Variants in TRPV3 observed in about 807,000 individuals in gnomAD.
The protein encoded by TRPV3 is VRL-3.
A neutral mutation model predicts 87.1 loss-of-function variants in TRPV3; 88 were observed. The ratio of observed to expected loss-of-function variants is 1.01; its 90% CI spans 0.85 to 1.21. The LOEUF is 1.21. TRPV3 is among the 50% of genes most tolerant of loss of function. The pLI, the probability that TRPV3 is intolerant of heterozygous loss-of-function variation, is 0.00. For synonymous variants in TRPV3, 438 were observed against 423.3 expected (o/e 1.03, Z -0.43); for missense variants, 1,054 against 1,030.1 (o/e 1.02, Z -0.32).
rs1156767685 is a variant in TRPV3, at chr17:3,554,827, C to T, written c.24G>A (p.Met8Ile). Residue 8 changes from methionine (M) to isoleucine (I), a missense_variant, in exon 2 of 18, where the codon ATG becomes ATA. Transcript: ENST00000576742. MKAHPKE[M>I]VPLMGKRVAA... Reference sequence around the variant, plus strand: ...CAACTCTCTTGCCCATGAGAGGCACCATCTCCTTGGGGTGGGCTTTCATGG... The same window carrying T: ...CAACTCTCTTGCCCATGAGAGGCACTATCTCCTTGGGGTGGGCTTTCATGG... 6.2e-7 allele frequency: 1 copy of T among 1,612,174 alleles called. No individual in the cohort carries two copies. The highest frequency in any genetic ancestry group is 1.3e-5 in the African/African-American group (1 of 74,904).
At chr17:3,555,526 C>T (rs2074619382) in intron 1 of TRPV3, among the ~76,000 whole-genome samples, 1 of 152,170 alleles carries the variant, frequency 6.6e-6, no homozygotes, top group African/African-American at 2.4e-5. Context: ...CATTAGATTC[C>T]CCTCTCACCT....
chr17:3,519,458 TTAGATGGATGGATGGATAGATGATTGGA>T (rs2074216604), intron 14 of TRPV3, among the ~76,000 whole-genome samples: 1 of 39,014 alleles, frequency 2.6e-5, no homozygotes, highest in African/African-American at 1.1e-4. Context: ...GGATAGATGA[TTAGATGGATGGATGGATAGATGATTGGA>T]TGGATGGATG....
chr17:3,518,627 G>A lies in TRPV3; in HGVS notation c.2034C>T (p.Gly678=), dbSNP rs201663049. 4.4e-4 allele frequency: 692 copies of A among 1,581,096 alleles called. 5 individuals carry two copies. The South Asian group carries it at 4.5e-3, about 10-fold the overall frequency. Residue 678 remains glycine, a synonymous_variant, in exon 15 of 18, where the codon GGC becomes GGT. Transcript: ENST00000576742. The surrounding 1 kb of genome is among the most constrained non-coding windows in gnomAD (Gnocchi z 4.3). ...LLLNMLIALM[G]ETVENVSKES... ...CCTTGGAGACGTTCTCCACAGTCTC[G>A]CCCATCAGAGCAATGAGCATGTTGA...
intron 2 of TRPV3, among the ~76,000 whole-genome samples, chr17:3,551,041 T>G (rs1486613268): frequency 6.6e-6 from 1 of 152,192 alleles, no homozygotes. Context: ...ATCCTTCCAG[T>G]TGAAGACAGG....
At position 3,520,991 on chromosome 17, in the gene TRPV3, A is replaced by C; in HGVS notation, c.1792T>G (p.Leu598Val). 6.2e-7 allele frequency: 1 copy of C among 1,607,220 alleles called. No individual in the cohort carries two copies. Among genetic ancestry groups the C allele is most frequent in the Non-Finnish European group, 8.5e-7 (1 of 1,174,828 alleles). Residue 598 changes from leucine (L) to valine (V), a missense_variant, in exon 14 of 18, where the codon TTG becomes GTG. Leu to Val is a conservative substitution (Grantham distance 32). Coordinates refer to ENST00000576742, the MANE Select transcript of TRPV3 (RefSeq NM_145068.4). Reference sequence around the variant, plus strand: ...CAATTACCTACTCCAAATCCAAGCAAAAACACGATATATACAAACAAGAAC... The same window carrying C: ...CAATTACCTACTCCAAATCCAAGCACAAACACGATATATACAAACAAGAAC... ...LKFLFVYIVF[L>V]LGFGVALASL...
intron 3 of TRPV3, 86 bp from the exon 4 acceptor site, chr17:3,544,751 C>T (rs1464061866): frequency 5.3e-6 from 5 of 946,224 alleles, no homozygotes; most frequent in Non-Finnish European, 6.5e-6. Context: ...AATCCCAGCA[C>T]TTTGGGAGGC....
Position 3,532,998 on chromosome 17 carries a change from C to T in TRPV3, c.785-61G>A, listed in dbSNP as rs138676294. 3 of 1,584,896 alleles carry T rather than the reference C, an allele frequency of 1.9e-6. No individual in the cohort carries two copies. The African/African-American group carries it at 4.0e-5, about 21-fold the overall frequency. ...TGGGCCGGAAGCAGCGTCCCCCAAG[C>T]CCCAGGACTGGGGCCCATATCCTAT... is the stretch of plus-strand genomic sequence containing the variant. On this transcript the variant is annotated intron_variant, in intron 7 of 17. Transcript: ENST00000576742.
At chr17:3,535,842 A>T in intron 6 of TRPV3, 129 bp from the exon 7 acceptor site, 3 of 1,133,238 alleles carry the variant, frequency 2.6e-6, no homozygotes. Context: ...GTCGCCAGCT[A>T]CCAGGAATCC....
intron 13 of TRPV3, among the ~76,000 whole-genome samples, chr17:3,521,366 A>ACTG (rs2074244536): frequency 6.6e-6 from 1 of 152,190 alleles, no homozygotes; most frequent in Non-Finnish European, 1.5e-5. Flanking sequence ...AGAGCTCGCA[A>ACTG]GAGCTGATCG....
chr17:3,535,711 G>T lies in TRPV3; in HGVS notation c.646C>A (p.Gln216Lys). 6.6e-7 allele frequency: 1 copy of T among 1,518,150 alleles called. No individual in the cohort carries two copies. The highest frequency in any genetic ancestry group is 8.8e-7 in the Non-Finnish European group (1 of 1,135,786). 94.0% of individuals were successfully genotyped at this position (1,518,150 alleles called of 1,614,324 possible). ...TCGATGGCGATGTTCAGCGCCGTCT[G>T]CCCTGCGGAGCGGGCGGGGACGCGC... ...AEYTEEAYEG[Q>K]TALNIAIERR... Residue 216 changes from glutamine (Q) to lysine (K), a missense_variant and splice_region_variant, in exon 7 of 18, where the codon CAG (glutamine) becomes AAG (lysine). Physicochemically the swap from Gln to Lys is moderately conservative, Grantham distance 53. Coordinates refer to ENST00000576742, the MANE Select transcript of TRPV3 (RefSeq NM_145068.4).
In TRPV3 at chr17:3,524,285, C is replaced by T. The variant is rs909786233; in HGVS notation, c.1656G>A (p.Val552=). Residue 552 remains valine, a synonymous_variant, in exon 13 of 18, where the codon GTG becomes GTA. Coordinates refer to ENST00000576742, the MANE Select transcript of TRPV3 (RefSeq NM_145068.4). The part of the protein sequence containing the change: ...FAYKEYLACL[V]LAMALGWANM... Reference sequence around the variant, plus strand: ...TCGCCCAGCCCAGGGCCATGGCCAGCACGAGGCAGGCGAGGTACTCTTTGT... The same window carrying T: ...TCGCCCAGCCCAGGGCCATGGCCAGTACGAGGCAGGCGAGGTACTCTTTGT... 5.6e-6 allele frequency: 9 copies of T among 1,614,254 alleles called. No homozygotes were observed. Among genetic ancestry groups the T allele is most frequent in the Non-Finnish European group, 7.6e-6 (9 of 1,180,042 alleles).
intron 7 of TRPV3, among the ~76,000 whole-genome samples, chr17:3,534,690 C>T (rs187137507): frequency 5.3e-5 from 8 of 151,744 alleles, no homozygotes; most frequent in Middle Eastern, 3.4e-3. Context: ...TGCTTCTGGA[C>T]TCTGTGACTT....
intron 14 of TRPV3, among the ~76,000 whole-genome samples, chr17:3,519,963 T>C (rs1178795631): frequency 8.0e-6 from 1 of 125,552 alleles, no homozygotes; most frequent in Non-Finnish European, 1.7e-5. Context: ...GATGGATCGA[T>C]GGATGAATGA....
rs2074117561 is a variant in TRPV3, at chr17:3,511,832, C to T, written c.*2085G>A. ...TTATCCATAACAGATACGGCTTTAT[C>T]CATTAATGGATATGACTTTCTCCAT... On this transcript the variant is annotated 3_prime_UTR_variant, in exon 18 of 18. Transcript: ENST00000576742. 1 of 152,200 alleles carries T rather than the reference C, an allele frequency of 6.6e-6. No homozygotes were observed. Among genetic ancestry groups the T allele is most frequent in the Admixed American group, 6.5e-5 (1 of 15,280 alleles). The allele number at this position is 152,200 out of a possible 1,614,324, so 9.4% of individuals were successfully genotyped here.
chr17:3,547,145 T>C (rs1597490593), intron 2 of TRPV3, among the ~76,000 whole-genome samples: 1 of 152,136 alleles, frequency 6.6e-6, no homozygotes, highest in East Asian at 1.9e-4. Flanking sequence ...GGTTTTCCCG[T>C]CACCACCTAC....
At position 3,528,900 on chromosome 17, in the gene TRPV3, G is replaced by A; in HGVS notation, c.1338C>T (p.Cys446=). ...GGGTGATGTTGTAGAAGAAATAAAA[G>A]CAGAAGGACAGAAAGAACATGTGCT... ...FAKHMFFLSF[C]FYFFYNITLT... Residue 446 remains cysteine (C), a synonymous_variant, in exon 10 of 18, where the codon TGC becomes TGT. Transcript: ENST00000576742. The surrounding 1 kb of genome is among the most constrained non-coding windows in gnomAD (Gnocchi z 4.2). 6.2e-7 allele frequency: 1 copy of A among 1,614,218 alleles called. No homozygotes were observed. Among genetic ancestry groups the A allele is most frequent in the Non-Finnish European group, 8.5e-7 (1 of 1,180,042 alleles).
In TRPV3 at chr17:3,535,610, G is replaced by C. The variant is rs767033979; in HGVS notation, c.747C>G (p.Phe249Leu). The C allele has an allele frequency of 6.2e-7, 1 of 1,609,748 alleles. No homozygotes were observed. The highest frequency in any genetic ancestry group is 1.3e-5 in the African/African-American group (1 of 74,400). The change falls in exon 7 of 18, where the codon TTC (phenylalanine) becomes TTG (leucine). Residue 249 changes from phenylalanine to leucine, a missense_variant. Physicochemically the swap from Phe to Leu is conservative, Grantham distance 22. Coordinates refer to ENST00000576742, the MANE Select transcript of TRPV3 (RefSeq NM_145068.4). Reference protein sequence around the residue: ...ADVNAHAKGAFFNPKYQHEGF... With the variant: ...ADVNAHAKGALFNPKYQHEGF... ...CTTCGTGTTGGTACTTGGGGTTGAA[G>C]AAGGCCCCCTTGGCGTGCGCGTTGA...
Position 3,541,791 on chromosome 17 carries a change from G to A in TRPV3, c.643+731C>T, listed in dbSNP as rs150384462. On this transcript the variant is annotated intron_variant, in intron 6 of 17. Coordinates refer to ENST00000576742, the MANE Select transcript of TRPV3 (RefSeq NM_145068.4). Reference sequence around the variant, plus strand: ...TCGCCCTGATCCTTCTCATCATGTCGGCCTCAGGCCAAAGATGACCACTCT... The same window carrying A: ...TCGCCCTGATCCTTCTCATCATGTCAGCCTCAGGCCAAAGATGACCACTCT... Among the ~76,000 whole-genome samples, 10 of 152,110 alleles carry A rather than the reference G, an allele frequency of 6.6e-5. No individual in the cohort carries two copies. The East Asian group carries it at 1.4e-3, about 21-fold the overall frequency.
At chr17:3,552,045 G>T (rs1273617667) in intron 2 of TRPV3, among the ~76,000 whole-genome samples, 1 of 150,748 alleles carries the variant, frequency 6.6e-6, no homozygotes, top group Non-Finnish European at 1.5e-5. Flanking sequence ...ACAGCATCCA[G>T]CTAATTTTTG....
Sources: allele counts gnomAD v4.1 joint callset (sites outside exome capture counted in the v4.1 genomes callset), GRCh38; gene constraint gnomAD v4.1.1; non-coding constraint Gnocchi (gnomAD v3.1); transcripts MANE v1.5; gene names NCBI Gene and HGNC (gene_info 2026-07-23, HGNC 2026-07-21).